ACOD1: variants seen among roughly 807,000 people sequenced by gnomAD.
ACOD1 encodes the protein aconitate decarboxylase 1.
In ACOD1, 14 loss-of-function variants were observed where a neutral mutation model predicts 14.2. That is an observed-to-expected ratio of 0.99 (90% CI 0.65 to 1.54). The LOEUF (loss-of-function observed/expected upper bound fraction) is 1.54. Among genes scored for constraint, ACOD1 ranks in the 40% most tolerant of loss-of-function variants. ACOD1 has a pLI of 0.00. For missense variants in ACOD1, 530 were observed against 586.3 expected, an observed-to-expected ratio of 0.90 and a Z score of 0.99; for synonymous variants, 182 against 221.7, an observed-to-expected ratio of 0.82 and a Z score of 1.59.
At chr13:76,955,824 A>T (rs1230368010) in intron 4 of ACOD1, among the ~76,000 whole-genome samples, 1 of 152,222 alleles carries the variant, frequency 6.6e-6, no homozygotes, top group East Asian at 1.9e-4. Flanking sequence ...AGCAGAATCT[A>T]TTCTGAGACT....
rs1255551335 is a variant in ACOD1 at position 76,957,328 on chromosome 13, G to T, written c.789G>T (p.Leu263=). The change falls in exon 5 of 5, where the codon CTG becomes CTT. Residue 263 remains leucine (L), a synonymous_variant. Transcript: ENST00000377462. The stretch of plus-strand genomic sequence containing the variant: ...CAAGCATAGCTTCCTACAGTTGGCT[G>T]CTGGACCAGCAGGACGTGGCCTTTA... ...VLPSIASYSW[L]LDQQDVAFKR... 6.4e-7 allele frequency: 1 copy of T among 1,550,654 alleles called. No homozygotes were observed. The highest frequency in any genetic ancestry group is 8.7e-7 in the Non-Finnish European group (1 of 1,147,010).
chr13:76,957,462 G>T lies in ACOD1; in HGVS notation c.923G>T (p.Arg308Ile), dbSNP rs543566505. Residue 308 changes from arginine (R) to isoleucine (I), a missense_variant, in exon 5 of 5, where the codon AGA becomes ATA. Coordinates refer to ENST00000377462, the MANE Select transcript of ACOD1 (RefSeq NM_001258406.2). ...CTGCTTCCAACTGACTACATTAAGAGAATTGTGCTCAGGATACCAAATGTC... is the reference window on the plus strand; with the variant it reads ...CTGCTTCCAACTGACTACATTAAGATAATTGTGCTCAGGATACCAAATGTC... ...RALLPTDYIK[R>I]IVLRIPNVQY... 33 of 1,550,530 alleles carry T rather than the reference G, an allele frequency of 2.1e-5. No homozygotes were observed. The highest frequency in any genetic ancestry group is 2.9e-5 in the Non-Finnish European group (33 of 1,147,012).
In ACOD1 at chr13:76,952,644, T is replaced by C. The variant is rs1446889730; in HGVS notation, c.168T>C (p.Tyr56=). 11 of 1,549,836 alleles carry C rather than the reference T, an allele frequency of 7.1e-6. No individual in the cohort carries two copies. The African/African-American group carries it at 1.1e-4, about 15-fold the overall frequency. ...TTEVFHIASQ[Y]SKIYSSNISS... is the part of the protein sequence containing the mutation. ...AAGTGTTTCACATAGCCAGCCAATA[T>C]AGCAAGGTAAGAAGCTCAAGGTCTA... The change falls in exon 2 of 5, where the codon TAT becomes TAC. Residue 56 remains tyrosine, a synonymous_variant. Transcript: ENST00000377462.
Position 76,955,444 on chromosome 13 carries a change from G to C in ACOD1, c.390G>C (p.Leu130=). The change falls in exon 4 of 5, where the codon CTG becomes CTC. Residue 130 remains leucine, a synonymous_variant. Coordinates refer to ENST00000377462, the MANE Select transcript of ACOD1 (RefSeq NM_001258406.2). ...PRSPKFSGLD[L]LLAFNVGIEV... ...GTCCAAAGTTTTCTGGCCTTGACCT[G>C]CTGCTGGCTTTCAATGTTGGTATTG... 6.4e-7 allele frequency: 1 copy of C among 1,550,640 alleles called. No homozygotes were observed. The highest frequency in any genetic ancestry group is 8.7e-7 in the Non-Finnish European group (1 of 1,147,004).
intron 1 of ACOD1, among the ~76,000 whole-genome samples, chr13:76,951,932 A>C (rs2137745266): frequency 6.6e-6 from 1 of 152,300 alleles, no homozygotes; most frequent in South Asian, 2.1e-4. Context: ...CTGATTGTCG[A>C]GTTACACCTA....
chr13:76,948,966 T>C (rs1015920653), intron 1 of ACOD1, among the ~76,000 whole-genome samples: 1 of 152,122 alleles, frequency 6.6e-6, no homozygotes, highest in Non-Finnish European at 1.5e-5. Flanking sequence ...AGTGCTGGAC[T>C]CATAGTAAGA....
At chr13:76,956,172 A>C (rs2033873275) in intron 4 of ACOD1, among the ~76,000 whole-genome samples, 1 of 152,148 alleles carries the variant, frequency 6.6e-6, no homozygotes, top group African/African-American at 2.4e-5. Flanking sequence ...AAGCTCCTAA[A>C]ACTCTAAGAG....
intron 2 of ACOD1, among the ~76,000 whole-genome samples, chr13:76,952,866 C>T (rs1468655190): frequency 6.6e-6 from 1 of 152,202 alleles, no homozygotes; most frequent in South Asian, 2.1e-4. Flanking sequence ...GGCACAGTGG[C>T]TCATATCTGT....
chr13:76,955,126 C>CAAAAAAAAAAAAAAAAAA (rs34230053), intron 3 of ACOD1, among the ~76,000 whole-genome samples, 193 bp from the exon 4 acceptor site: 2 of 98,874 alleles, frequency 2.0e-5, no homozygotes, highest in African/African-American at 9.6e-5. Flanking sequence ...GACTCTGTCT[C>CAAAAAAAAAAAAAAAAAA]AAAAAAAAAA....
chr13:76,955,680 C>T (rs2033868803), intron 4 of ACOD1, among the ~76,000 whole-genome samples, 156 bp downstream of exon 4: 1 of 152,194 alleles, frequency 6.6e-6, no homozygotes, highest in African/African-American at 2.4e-5. Flanking sequence ...ATACGAAACC[C>T]TCTATCCACA....
chr13:76,957,063 A>G lies in ACOD1; in HGVS notation c.524A>G (p.Lys175Arg). 1 of 1,550,506 alleles carries G rather than the reference A, an allele frequency of 6.4e-7. No individual in the cohort carries two copies. Among genetic ancestry groups the G allele is most frequent in the Non-Finnish European group, 8.7e-7 (1 of 1,146,954 alleles). The change falls in exon 5 of 5, where the codon AAG becomes AGG. Residue 175 changes from lysine (K) to arginine (R), a missense_variant. Lys to Arg is a conservative substitution (Grantham distance 26). Transcript: ENST00000377462. ...GTLGSAAAAS[K>R]FLGLSSTKCR... ...TTGGGTAGTGCTGCTGCTGCATCCA[A>G]GTTTTTAGGACTTAGCTCGACAAAG...
In ACOD1 at chr13:76,957,869, A is replaced by T. The variant is rs1183457303; in HGVS notation, c.1330A>T (p.Asn444Tyr). ...GGAAAGCCTTATAAAGATAGTCAAA[A>T]ATCTAGAAGACCTAGAAGACTGTTC... ...TVESLIKIVK[N>Y]LEDLEDCSVL... is the part of the protein sequence containing the mutation. The change falls in exon 5 of 5, where the codon AAT becomes TAT. Residue 444 changes from asparagine (N) to tyrosine (Y), a missense_variant. Physicochemically the swap from Asn to Tyr is moderately radical, Grantham distance 143 (BLOSUM62 -2). Coordinates refer to ENST00000377462, the MANE Select transcript of ACOD1 (RefSeq NM_001258406.2). 1.9e-6 allele frequency: 3 copies of T among 1,550,918 alleles called. No individual in the cohort carries two copies. The highest frequency in any genetic ancestry group is 2.6e-6 in the Non-Finnish European group (3 of 1,147,110).
chr13:76,957,608 A>G lies in ACOD1; in HGVS notation c.1069A>G (p.Ile357Val). 6.4e-7 allele frequency: 1 copy of G among 1,550,634 alleles called. No homozygotes were observed. Among genetic ancestry groups the G allele is most frequent in the Non-Finnish European group, 8.7e-7 (1 of 1,147,012 alleles). ...TGTCCCCTCATTCCATGAATGCCAG[A>G]TCAACAGGCCACAGGTGAGAGAGCT... Reference protein sequence around the residue: ...ITVPSFHECQINRPQVRELLS... With the variant: ...ITVPSFHECQVNRPQVRELLS... Residue 357 changes from isoleucine to valine, a missense_variant, in exon 5 of 5, where the codon ATC becomes GTC. Ile to Val is a conservative substitution (Grantham distance 29). Coordinates refer to ENST00000377462, the MANE Select transcript of ACOD1 (RefSeq NM_001258406.2).
chr13:76,948,999 C>G (rs1454538712), intron 1 of ACOD1, among the ~76,000 whole-genome samples: 1 of 152,178 alleles, frequency 6.6e-6, no homozygotes, highest in African/African-American at 2.4e-5. Context: ...GGCACAGTGG[C>G]TCAGGCCTGT....
intron 4 of ACOD1, among the ~76,000 whole-genome samples, chr13:76,956,507 T>C (rs1183120822): frequency 1.3e-5 from 2 of 151,446 alleles, no homozygotes; most frequent in Admixed American, 1.3e-4. Context: ...GCCTTATTAT[T>C]ATTATTTTTA....
intron 3 of ACOD1, 77 bp from the exon 4 acceptor site, chr13:76,955,242 G>A: frequency 3.0e-6 from 3 of 1,002,938 alleles, no homozygotes; most frequent in Non-Finnish European, 4.5e-6. Context: ...ACTAAACTAA[G>A]TCCTTAGTGG....
rs756314423 is a variant in ACOD1 at position 76,957,299 on chromosome 13, C to G, written c.760C>G (p.Leu254Val). 1 of 1,550,518 alleles carries G rather than the reference C, an allele frequency of 6.4e-7. No homozygotes were observed. Among genetic ancestry groups the G allele is most frequent in the African/African-American group, 1.4e-5 (1 of 73,060 alleles). ...TTATGCCAACTATTCCCCAAAAGTC[C>G]TTCCAAGCATAGCTTCCTACAGTTG... ...AFYANYSPKVLPSIASYSWLL... is the reference protein window; with the variant it reads ...AFYANYSPKVVPSIASYSWLL... The change falls in exon 5 of 5, where the codon CTT (leucine) becomes GTT (valine). Residue 254 changes from leucine (L) to valine (V), a missense_variant. Transcript: ENST00000377462.
chr13:76,957,673 G>A lies in ACOD1; in HGVS notation c.1134G>A (p.Leu378=). The change falls in exon 5 of 5, where the codon TTG becomes TTA. Residue 378 remains leucine (L), a synonymous_variant. Transcript: ENST00000377462. ...AGCTGGAGTACCCTCCGGACAACTT[G>A]CCAAGCTTCAACATACTGTACTGTG... is the stretch of plus-strand genomic sequence containing the variant. The part of the protein sequence containing the change: ...KVELEYPPDN[L]PSFNILYCEI... 6.4e-7 allele frequency: 1 copy of A among 1,550,612 alleles called. No homozygotes were observed. Among genetic ancestry groups the A allele is most frequent in the Non-Finnish European group, 8.7e-7 (1 of 1,147,000 alleles).
intron 1 of ACOD1, among the ~76,000 whole-genome samples, chr13:76,951,985 A>G (rs911976155): frequency 2.0e-5 from 3 of 152,202 alleles, no homozygotes; most frequent in Non-Finnish European, 4.4e-5. Flanking sequence ...AGCTGTGAAA[A>G]TTAGTAACTT....
Sources: allele counts gnomAD v4.1 joint callset (sites outside exome capture counted in the v4.1 genomes callset), GRCh38; gene constraint gnomAD v4.1.1; transcripts MANE v1.5; gene names NCBI Gene and HGNC (gene_info 2026-07-23, HGNC 2026-07-21).